The following SUMF1 variants were observed in gnomAD, a reference collection of about 807,000 sequenced individuals.
SUMF1 encodes the protein formylglycine-generating enzyme.
Under a neutral mutation model 47.6 loss-of-function variants are expected in SUMF1, and 48 were observed. The ratio of observed to expected loss-of-function variants is 1.01; its 90% CI spans 0.80 to 1.28. SUMF1 has a LOEUF of 1.28. Among genes scored for constraint, SUMF1 ranks in the 50% most tolerant of loss-of-function variants. The pLI is 0.00. For missense variants in SUMF1, 571 were observed against 485.4 expected, an observed-to-expected ratio of 1.18 and a Z score of -1.66; for synonymous variants, 230 against 192.1, an observed-to-expected ratio of 1.20 and a Z score of -1.63.
chr3:4,173,158 G>A (rs1271508852), intron 8 of SUMF1, among the ~76,000 whole-genome samples: 1 of 152,124 alleles, frequency 6.6e-6, no homozygotes, highest in East Asian at 1.9e-4. Flanking sequence ...AGATGAGATG[G>A]TTGTATATGT....
intron 9 of SUMF1, among the ~76,000 whole-genome samples, chr3:4,058,784 A>G (rs1695232034): frequency 6.6e-6 from 1 of 152,186 alleles, no homozygotes; most frequent in Admixed American, 6.6e-5. Flanking sequence ...ATGCAAAAAC[A>G]TACAAACAAT....
chr3:4,313,367 T>C (rs1162225110), intron 8 of SUMF1: 1 of 1,613,960 alleles, frequency 6.2e-7, no homozygotes, highest in Non-Finnish European at 8.5e-7. Flanking sequence ...ATGGAAACAT[T>C]TGTTGACCCT....
intron 8 of SUMF1, among the ~76,000 whole-genome samples, chr3:4,109,427 A>C (rs189892708): frequency 6.6e-5 from 10 of 152,140 alleles, no homozygotes; most frequent in Admixed American, 6.5e-4. Context: ...CTCGAGGAGT[A>C]TCTTTGTGGC....
intron 8 of SUMF1, among the ~76,000 whole-genome samples, chr3:4,185,673 T>A (rs1457895878): frequency 2.6e-5 from 4 of 152,200 alleles, no homozygotes; most frequent in Non-Finnish European, 4.4e-5. Context: ...ACCGCAATGT[T>A]TATAATGATT....
chr3:4,117,300 C>A (rs1693442959), intron 8 of SUMF1, among the ~76,000 whole-genome samples: 1 of 151,810 alleles, frequency 6.6e-6, no homozygotes, highest in Non-Finnish European at 1.5e-5. Context: ...GGGCCATGGA[C>A]CTCCCTTTCC....
intron 9 of SUMF1, among the ~76,000 whole-genome samples, chr3:4,055,644 C>T (rs931638161): frequency 6.6e-6 from 1 of 152,022 alleles, no homozygotes; most frequent in African/African-American, 2.4e-5. Flanking sequence ...CACCATGCCC[C>T]ACTCATTTTT....
At chr3:4,316,713 T>C (rs1249795666) in intron 8 of SUMF1, 1 of 1,550,952 alleles carries the variant, frequency 6.4e-7, no homozygotes, top group African/African-American at 1.4e-5. Context: ...CCGGCGACGA[T>C]CAGCTCAGTG....
intron 8 of SUMF1, among the ~76,000 whole-genome samples, chr3:4,134,276 C>A (rs568348115): frequency 3.0e-4 from 46 of 152,264 alleles, no homozygotes; most frequent in South Asian, 1.7e-3. Context: ...CTCTCTCAGA[C>A]CACAGTGCAA....
chr3:4,404,348 T>A (rs1049946858), intron 7 of SUMF1, among the ~76,000 whole-genome samples: 18 of 152,226 alleles, frequency 1.2e-4, no homozygotes, highest in African/African-American at 3.9e-4. Context: ...TGTAGCTGTA[T>A]TAAATTTATT....
At chr3:4,073,885 T>A (rs1261480341) in intron 8 of SUMF1, among the ~76,000 whole-genome samples, 1 of 152,062 alleles carries the variant, frequency 6.6e-6, no homozygotes, top group Non-Finnish European at 1.5e-5. Context: ...TACACAATAA[T>A]AATGGGAGAC....
chr3:4,349,271 G>T lies in SUMF1; in HGVS notation c.1014+27059C>A, dbSNP rs115765929. On this transcript the variant is annotated intron_variant and NMD_transcript_variant, in intron 8 of 12. Transcript: ENST00000448413. The stretch of plus-strand genomic sequence containing the variant: ...AAGCTCAACATCACTGATCATCAGA[G>T]AAATACAATGAGATACCATTTCACG... Among the ~76,000 whole-genome samples, 733 of 152,116 alleles carry T rather than the reference G, an allele frequency of 4.8e-3. 7 individuals carry two copies. The highest frequency in any genetic ancestry group is 0.017 in the African/African-American group (707 of 41,532).
chr3:4,358,322 T>G (rs1699667426), downstream of SUMF1, among the ~76,000 whole-genome samples: 1 of 152,010 alleles, frequency 6.6e-6, no homozygotes, highest in Non-Finnish European at 1.5e-5. Context: ...GGGCAAGAAA[T>G]GAGAATTCGA....
intron 8 of SUMF1, among the ~76,000 whole-genome samples, chr3:4,370,921 C>G (rs1687896): frequency 0.076 from 11,553 of 152,208 alleles, 842 homozygotes; most frequent in South Asian, 0.3. Context: ...ATCCCTGAGA[C>G]TGTCCATTAA....
intron 9 of SUMF1, among the ~76,000 whole-genome samples, chr3:4,051,438 G>C (rs761102751): frequency 1.3e-5 from 2 of 152,082 alleles, no homozygotes; most frequent in African/African-American, 2.4e-5. Context: ...GTCCACACTC[G>C]CTCAAGTGTG....
At chr3:4,153,915 G>A (rs184731061) in intron 8 of SUMF1, among the ~76,000 whole-genome samples, 6 of 151,710 alleles carry the variant, frequency 4.0e-5, no homozygotes, top group Admixed American at 3.3e-4. Flanking sequence ...GGAAATTGGA[G>A]CTTAGGTTAG....
At chr3:4,449,477 A>C (rs1702897057) in intron 2 of SUMF1, 137 bp from the exon 3 acceptor site, 1 of 888,186 alleles carries the variant, frequency 1.1e-6, no homozygotes, top group East Asian at 2.5e-5. Context: ...TTCCCAGAGG[A>C]CTCAGAAATG....
chr3:4,145,912 G>C (rs761919218), intron 8 of SUMF1, among the ~76,000 whole-genome samples: 1 of 152,050 alleles, frequency 6.6e-6, no homozygotes, highest in Non-Finnish European at 1.5e-5. Context: ...GAACCTCAGC[G>C]ATTCCAATTC....
chr3:4,159,273 A>T (rs1370260423), intron 8 of SUMF1, among the ~76,000 whole-genome samples: 3 of 143,248 alleles, frequency 2.1e-5, no homozygotes, highest in Admixed American at 6.9e-5. Flanking sequence ...CTCTGGTGGT[A>T]TTTTTTTTTT....
At chr3:4,050,878 T>C (rs1017846204) in intron 9 of SUMF1, among the ~76,000 whole-genome samples, 59 of 151,834 alleles carry the variant, frequency 3.9e-4, no homozygotes, top group Non-Finnish European at 7.1e-4. Context: ...ATTAGCCTTC[T>C]AAGAAACATA....
Sources: allele counts gnomAD v4.1 joint callset (sites outside exome capture counted in the v4.1 genomes callset), GRCh38; gene constraint gnomAD v4.1.1; transcripts MANE v1.5; gene names NCBI Gene and HGNC (gene_info 2026-07-23, HGNC 2026-07-21).